P2RY14: variants seen among roughly 807,000 people sequenced by gnomAD.
The protein encoded by P2RY14 is P2Y purinoceptor 14.
A neutral mutation model predicts 0.9 loss-of-function variants in P2RY14; 2 were observed. The ratio of observed to expected loss-of-function variants is 2.16; its 90% confidence interval spans 0.88 to 6.79. The LOEUF (loss-of-function observed/expected upper bound fraction) is 6.79, where lower values mean the gene tolerates loss of function less well. Ranked by LOEUF, P2RY14 falls within the 30% of genes most tolerant of loss-of-function variation. P2RY14 has a pLI of 0.05. For synonymous variants in P2RY14, 158 were observed against 147.2 expected (o/e 1.07, Z -0.53); for missense variants, 378 against 400.1 (o/e 0.94, Z 0.47).
At chr3:151,270,404 A>G (rs1740717145) in intron 1 of P2RY14, among the ~76,000 whole-genome samples, 3 of 152,142 alleles carry the variant, frequency 2.0e-5, no homozygotes, top group Admixed American at 2.0e-4. Context: ...GTCTGAACAA[A>G]AACTGTATGG....
In P2RY14 at chr3:151,213,736, A is replaced by G; in HGVS notation, c.581T>C (p.Ile194Thr). Residue 194 changes from isoleucine (I) to threonine (T), a missense_variant, in exon 3 of 3, where the codon ATC (isoleucine) becomes ACC (threonine). Ile to Thr is a moderately conservative substitution (Grantham distance 89). Coordinates refer to ENST00000309170, the MANE Select transcript of P2RY14 (RefSeq NM_014879.4). ...HKASNYIFVA[I>T]FWIVFLLLIV... The stretch of plus-strand genomic sequence containing the variant: ...TAACAAAAGAAACACAATCCAGAAG[A>G]TGGCCACGAAGATGTAGTTTGATGC... 6.2e-7 allele frequency: 1 copy of G among 1,614,160 alleles called. No homozygotes were observed. The highest frequency in any genetic ancestry group is 8.5e-7 in the Non-Finnish European group (1 of 1,180,008).
At chr3:151,267,102 G>C (rs1739987185) in intron 1 of P2RY14, among the ~76,000 whole-genome samples, 1 of 152,194 alleles carries the variant, frequency 6.6e-6, no homozygotes, top group African/African-American at 2.4e-5. Flanking sequence ...TTGCGTGTTA[G>C]AACTCCTTAC....
Position 151,243,408 on chromosome 3 carries a change from A to G in P2RY14, c.-132-23766T>C, listed in dbSNP as rs551587206. ...TCAAAGGGAAGCCCATCAGACTAACAGCGGATCTCTCGGCAGAAACCCTAC... is the reference window on the plus strand; with the variant it reads ...TCAAAGGGAAGCCCATCAGACTAACGGCGGATCTCTCGGCAGAAACCCTAC... On this transcript the variant is annotated intron_variant, in intron 1 of 2. Transcript: ENST00000309170. 4.0e-3 allele frequency among the ~76,000 whole-genome samples: 183 copies of G among 45,212 alleles called. 2 individuals are homozygous for G. The highest frequency in any genetic ancestry group is 0.025 in the African/African-American group (162 of 6,602). 29.7% of individuals were successfully genotyped at this position (45,212 alleles called of 152,430 possible).
chr3:151,266,005 G>A (rs1041088730), intron 1 of P2RY14, among the ~76,000 whole-genome samples: 2 of 152,164 alleles, frequency 1.3e-5, no homozygotes, highest in African/African-American at 4.8e-5. Flanking sequence ...GTGCCTTCAG[G>A]TTGCTCAGTT....
At chr3:151,242,468 T>C (rs867398740) in intron 1 of P2RY14, among the ~76,000 whole-genome samples, 42 of 151,300 alleles carry the variant, frequency 2.8e-4, no homozygotes, top group Admixed American at 7.9e-4. Context: ...CCCTGACCCC[T>C]GAGCAGCCTA....
At chr3:151,248,993 C>T (rs1736323581) in intron 1 of P2RY14, 1 of 152,178 alleles carries the variant, frequency 6.6e-6, no homozygotes, top group Admixed American at 6.6e-5. Flanking sequence ...GGAAACACTG[C>T]ATTAGCTTTC....
intron 1 of P2RY14, among the ~76,000 whole-genome samples, chr3:151,228,489 T>C: frequency 6.6e-6 from 1 of 152,146 alleles, no homozygotes; most frequent in East Asian, 1.9e-4. Context: ...AAGTTGACGC[T>C]CTTCTACACT....
chr3:151,235,924 C>T (rs1428389732), intron 1 of P2RY14, among the ~76,000 whole-genome samples: 2 of 152,088 alleles, frequency 1.3e-5, no homozygotes, highest in Non-Finnish European at 2.9e-5. Flanking sequence ...TTTGTTTTCT[C>T]TTGTCTCCCT....
chr3:151,242,817 T>C (rs1365702270), intron 1 of P2RY14, among the ~76,000 whole-genome samples: 2 of 151,446 alleles, frequency 1.3e-5, no homozygotes. Flanking sequence ...CAAATTACTC[T>C]GAGCTACGGG....
At chr3:151,273,407 T>TTC (rs1278611920) in intron 1 of P2RY14, among the ~76,000 whole-genome samples, 4 of 146,614 alleles carry the variant, frequency 2.7e-5, no homozygotes, top group Admixed American at 1.4e-4. Context: ...TTTGTATTTT[T>TTC]TTTTTTTTTT....
At chr3:151,271,873 G>A (rs1577196477) in intron 1 of P2RY14, among the ~76,000 whole-genome samples, 1 of 152,204 alleles carries the variant, frequency 6.6e-6, no homozygotes, top group African/African-American at 2.4e-5. Context: ...GCCTAGAAAA[G>A]AGAATGATGA....
rs1348715593 is a variant in P2RY14, at chr3:151,245,387, T to C, written c.-132-25745A>G. Among the ~76,000 whole-genome samples, 120 of 150,740 alleles carry C rather than the reference T, an allele frequency of 8.0e-4. 1 individual carries two copies. Among genetic ancestry groups the C allele is most frequent in the African/African-American group, 2.3e-3 (96 of 40,970 alleles). On this transcript the variant is annotated intron_variant, in intron 1 of 2. Transcript: ENST00000309170. The stretch of plus-strand genomic sequence containing the variant: ...AATCCTCAATAAAATACTGGCAAAC[T>C]GAATCCAGCAGCACATCAAAAAGCT...
chr3:151,268,152 A>G (rs6440731), intron 1 of P2RY14, among the ~76,000 whole-genome samples: 133,880 of 152,190 alleles, frequency 0.88, 59,132 homozygotes, highest in African/African-American at 0.97. Context: ...CAAAGCATTA[A>G]TAAAACATTT....
chr3:151,259,399 C>G (rs1315838314), intron 1 of P2RY14, among the ~76,000 whole-genome samples: 1 of 152,172 alleles, frequency 6.6e-6, no homozygotes. Context: ...AATGCTTAAC[C>G]AGTACTGATT....
chr3:151,267,600 A>C (rs547116098), intron 1 of P2RY14, among the ~76,000 whole-genome samples: 1 of 152,304 alleles, frequency 6.6e-6, no homozygotes, highest in South Asian at 2.1e-4. Context: ...TTTTAAAGCC[A>C]CCTAAATCCT....
chr3:151,273,263 C>G (rs1741289034), intron 1 of P2RY14, among the ~76,000 whole-genome samples: 1 of 125,442 alleles, frequency 8.0e-6, no homozygotes, highest in Admixed American at 9.9e-5. Context: ...TGGAGTCTTG[C>G]TGTGTCACCC....
At chr3:151,214,415 G>A in intron 2 of P2RY14, 75 bp from the exon 3 acceptor site, 1 of 1,020,672 alleles carries the variant, frequency 9.8e-7, no homozygotes, top group Non-Finnish European at 1.4e-6. Flanking sequence ...ATAAGGCAAA[G>A]GGCAATGAAT....
At chr3:151,269,640 G>T in intron 1 of P2RY14, 1 of 393,034 alleles carries the variant, frequency 2.5e-6, no homozygotes, top group South Asian at 2.2e-5. Flanking sequence ...TGTATTATTT[G>T]ACGAGTTGAA....
intron 1 of P2RY14, chr3:151,242,017 G>C (rs1482567826): frequency 6.6e-6 from 1 of 152,566 alleles, no homozygotes; most frequent in Non-Finnish European, 1.5e-5. Flanking sequence ...GTGACGGACG[G>C]CACCTGGAAA....
Sources: gnomAD v4.1 joint callset for allele counts (sites outside exome capture counted in the v4.1 genomes callset) on GRCh38, gnomAD v4.1.1 for gene constraint, MANE v1.5 for transcripts, NCBI Gene and HGNC (gene_info 2026-07-23, HGNC 2026-07-21) for gene names.